Variants in ATRN observed in about 807,000 individuals in gnomAD.
ATRN encodes attractin.
In ATRN, 54 loss-of-function variants were observed where a neutral mutation model predicts 178.7. That is an observed-to-expected ratio of 0.30 (90% CI 0.24 to 0.38). The LOEUF is 0.38. Ranked by LOEUF, ATRN falls within the 10% of genes least tolerant of loss-of-function variation. The pLI, the probability that ATRN is intolerant of heterozygous loss-of-function variation, is 1.00. For synonymous variants in ATRN, 636 were observed against 663.0 expected (o/e 0.96, Z 0.63); for missense variants, 1,443 against 1,815.1 (o/e 0.79, Z 3.73).
intron 1 of ATRN, among the ~76,000 whole-genome samples, chr20:3,479,789 A>C (rs140619348): frequency 6.6e-6 from 1 of 152,116 alleles, no homozygotes; most frequent in Non-Finnish European, 1.5e-5. Context: ...AGTCCTTGGC[A>C]TTTTGGCTTG....
intron 21 of ATRN, 26 bp downstream of exon 21, chr20:3,596,455 C>T: frequency 6.3e-7 from 1 of 1,597,190 alleles, no homozygotes; most frequent in Middle Eastern, 1.7e-4. Context: ...ATTCTTATTT[C>T]TAGAAGCAAA....
At chr20:3,620,219 AGTTTTGTTTTGTTTTGTTTT>A (rs58441132) in intron 24 of ATRN, among the ~76,000 whole-genome samples, 36,695 of 148,328 alleles carry the variant, frequency 0.25, 6,331 homozygotes, top group East Asian at 0.82. Context: ...GCACAGGAGG[AGTTTTGTTTTGTTTTGTTTT>A]GTTTTGTTTT....
chr20:3,646,801 G>T lies in ATRN; in HGVS notation c.4244G>T (p.Arg1415Ile). The change falls in exon 29 of 29, where the codon AGA becomes ATA. Residue 1415 changes from arginine to isoleucine, a missense_variant. Arg to Ile is a moderately conservative substitution (Grantham distance 97). This residue lies in a region of ATRN where 289 missense variants were observed against 440.8 expected (regional missense o/e 0.66). Coordinates refer to ENST00000262919, the MANE Select transcript of ATRN (RefSeq NM_139321.3). Reference sequence around the variant, plus strand: ...TACAAGGAGAAGTCAGGAGCCGTGAGAAACCGGAAGCAGCAGCCCCCTGCA... The same window carrying T: ...TACAAGGAGAAGTCAGGAGCCGTGATAAACCGGAAGCAGCAGCCCCCTGCA... ...IVYKEKSGAV[R>I]NRKQQPPAQP... 6.2e-7 allele frequency: 1 copy of T among 1,612,548 alleles called. No individual in the cohort carries two copies. The highest frequency in any genetic ancestry group is 8.5e-7 in the Non-Finnish European group (1 of 1,179,426).
intron 18 of ATRN, among the ~76,000 whole-genome samples, chr20:3,586,800 A>G (rs2086363596): frequency 6.6e-6 from 1 of 152,260 alleles, no homozygotes; most frequent in Non-Finnish European, 1.5e-5. Context: ...GGGGATGGAA[A>G]CAAGGAATAA....
intron 1 of ATRN, among the ~76,000 whole-genome samples, chr20:3,500,592 A>G (rs2084947545): frequency 1.3e-5 from 2 of 150,772 alleles, no homozygotes; most frequent in Non-Finnish European, 3.0e-5. Flanking sequence ...AAGAACAAAA[A>G]ACCAAACACT....
chr20:3,482,799 CAA>C (rs1198758629), intron 1 of ATRN, among the ~76,000 whole-genome samples: 1 of 152,168 alleles, frequency 6.6e-6, no homozygotes, highest in Non-Finnish European at 1.5e-5. Context: ...CCAATACTGA[CAA>C]AATGTATAAC....
At chr20:3,509,176 A>G (rs2085088161) in intron 1 of ATRN, among the ~76,000 whole-genome samples, 1 of 152,194 alleles carries the variant, frequency 6.6e-6, no homozygotes, top group African/African-American at 2.4e-5. Context: ...GACTCAAGAT[A>G]CCAGTTCAAT....
chr20:3,573,025 G>A (rs937263666), intron 12 of ATRN, 74 bp downstream of exon 12: 2 of 1,299,290 alleles, frequency 1.5e-6, no homozygotes, highest in Non-Finnish European at 1.1e-6. Flanking sequence ...AAGGAACTTA[G>A]CATATGTATA....
chr20:3,571,302 CA>C (rs993070215), intron 11 of ATRN, among the ~76,000 whole-genome samples: 1 of 152,150 alleles, frequency 6.6e-6, no homozygotes, highest in African/African-American at 2.4e-5. Flanking sequence ...TGATTTTTCA[CA>C]AAAAAATTTG....
At chr20:3,504,841 A>G (rs984914621) in intron 1 of ATRN, among the ~76,000 whole-genome samples, 1 of 152,006 alleles carries the variant, frequency 6.6e-6, no homozygotes, top group Non-Finnish European at 1.5e-5. Flanking sequence ...AATCAAGACA[A>G]AGGACTTAAA....
At chr20:3,492,344 A>G (rs2146090477) in intron 1 of ATRN, among the ~76,000 whole-genome samples, 1 of 152,218 alleles carries the variant, frequency 6.6e-6, no homozygotes, top group African/African-American at 2.4e-5. Context: ...AATAGTTAGA[A>G]TGTCAGGAAC....
rs755125530 is a variant in ATRN at position 3,600,937 on chromosome 20, G to A, written c.3565-9G>A. On this transcript the variant is annotated splice_polypyrimidine_tract_variant and intron_variant, in intron 22 of 28. Transcript: ENST00000262919. ...AATTAATTTTCTAATAATTTGTACCGCTCATCAGCAAAACAGGGATTTGGA... is the reference window on the plus strand; with the variant it reads ...AATTAATTTTCTAATAATTTGTACCACTCATCAGCAAAACAGGGATTTGGA... The A allele has an allele frequency of 1.8e-5, 29 of 1,608,842 alleles. No homozygotes were observed. Among genetic ancestry groups the A allele is most frequent in the Middle Eastern group, 1.7e-4 (1 of 6,048 alleles).
intron 24 of ATRN, among the ~76,000 whole-genome samples, chr20:3,621,817 A>G (rs1049325622): frequency 3.3e-5 from 5 of 152,030 alleles, no homozygotes; most frequent in African/African-American, 7.2e-5. Context: ...TATAGTTACA[A>G]TCATGAAGCA....
At chr20:3,573,009 AT>A in intron 12 of ATRN, 58 bp downstream of exon 12, 1 of 1,450,082 alleles carries the variant, frequency 6.9e-7, no homozygotes, top group South Asian at 1.2e-5. Context: ...TTTTATCTGA[AT>A]TGTGAAGGAA....
At chr20:3,531,948 T>C (rs1399168190) in intron 1 of ATRN, among the ~76,000 whole-genome samples, 1 of 152,068 alleles carries the variant, frequency 6.6e-6, no homozygotes, top group Non-Finnish European at 1.5e-5. Flanking sequence ...ATAGCAAGAC[T>C]CATCTCTAAA....
chr20:3,477,727 G>A (rs561097509), intron 1 of ATRN, among the ~76,000 whole-genome samples: 9 of 152,194 alleles, frequency 5.9e-5, no homozygotes, highest in Non-Finnish European at 1.0e-4. Context: ...GAGGGCAGGG[G>A]CCTGGAGCAT....
chr20:3,498,791 C>T (rs1476327398), intron 1 of ATRN, among the ~76,000 whole-genome samples: 9 of 147,268 alleles, frequency 6.1e-5, no homozygotes, highest in Non-Finnish European at 9.0e-5. Context: ...GATGCCCTCT[C>T]TCACCACTCC....
intron 3 of ATRN, among the ~76,000 whole-genome samples, chr20:3,543,386 G>A (rs1038067117): frequency 6.6e-6 from 1 of 152,092 alleles, no homozygotes; most frequent in Admixed American, 6.5e-5. Flanking sequence ...GTAACTCCTG[G>A]AGCACCAGAG....
At chr20:3,550,383 C>T (rs752438844) in intron 6 of ATRN, among the ~76,000 whole-genome samples, 5 of 152,096 alleles carry the variant, frequency 3.3e-5, no homozygotes, top group Non-Finnish European at 5.9e-5. Context: ...GTTACTGTAG[C>T]CCAGGAGTAT....
Sources: gnomAD v4.1 joint callset for allele counts (sites outside exome capture counted in the v4.1 genomes callset) on GRCh38, gnomAD v4.1.1 for gene constraint, gnomAD v4.1.1 regional missense constraint, MANE v1.5 for transcripts, NCBI Gene and HGNC (gene_info 2026-07-23, HGNC 2026-07-21) for gene names.